MYL10: variants seen among roughly 807,000 people sequenced by gnomAD.
The protein encoded by MYL10 is myosin regulatory light chain 10.
A neutral mutation model predicts 21.9 loss-of-function variants in MYL10; 18 were observed. The observed-to-expected ratio is 0.82, with a 90% confidence interval of 0.57 to 1.22. MYL10 has a LOEUF of 1.22. MYL10 is among the 50% of genes most tolerant of loss of function. The pLI is 0.00. For synonymous variants in MYL10, 88 were observed against 82.8 expected, an observed-to-expected ratio of 1.06 and a Z score of -0.34; for missense variants, 225 against 230.4, an observed-to-expected ratio of 0.98 and a Z score of 0.15.
In MYL10 at chr7:101,617,739, C is replaced by A. The variant is rs183439432; in HGVS notation, c.455-1441G>T. The stretch of plus-strand genomic sequence containing the variant: ...GATCAGGGCCTCATCTGTGCCTCCC[C>A]CATCAGACTGGGTCAGGGTCATCTG... On this transcript the variant is annotated intron_variant, in intron 5 of 7. Transcript: ENST00000223167. Among the ~76,000 whole-genome samples, 454 of 152,192 alleles carry A rather than the reference C, an allele frequency of 3.0e-3. 1 individual carries two copies. Among genetic ancestry groups the A allele is most frequent in the African/African-American group, 0.011 (438 of 41,506 alleles).
intron 5 of MYL10, among the ~76,000 whole-genome samples, chr7:101,621,464 C>G (rs1240898033): frequency 6.6e-6 from 1 of 152,106 alleles, no homozygotes; most frequent in Non-Finnish European, 1.5e-5. Flanking sequence ...GCACCCTCTG[C>G]CTATACCCCC....
chr7:101,625,387 C>T (rs947189560), intron 1 of MYL10, among the ~76,000 whole-genome samples: 1 of 152,202 alleles, frequency 6.6e-6, no homozygotes, highest in Non-Finnish European at 1.5e-5. Context: ...GGATTCCAGA[C>T]GGGGAGGTGG....
chr7:101,617,296 A>G (rs1275297215), intron 5 of MYL10, among the ~76,000 whole-genome samples: 1 of 152,240 alleles, frequency 6.6e-6, no homozygotes, highest in Non-Finnish European at 1.5e-5. Context: ...ACATGGGTTG[A>G]TCAGGGCTGC....
chr7:101,616,158 T>C, intron 6 of MYL10, 62 bp downstream of exon 6: 1 of 1,468,366 alleles, frequency 6.8e-7, no homozygotes, highest in Non-Finnish European at 9.5e-7. Context: ...CCATCCACCC[T>C]GACCCCAGCC....
At position 101,623,024 on chromosome 7, in the gene MYL10, C is replaced by A. The variant is rs1448716316; in HGVS notation, c.322G>T (p.Asp108Tyr). ...AGCGCGGCAAAGGTGTCCCTCAAGT[C>A]CTCTTTGTCGATGAAGCCATCACGG... ...QNRDGFIDKE[D>Y]LRDTFAALGR... The change falls in exon 4 of 8, where the codon GAC becomes TAC. Residue 108 changes from aspartate to tyrosine, a missense_variant. Coordinates refer to ENST00000223167, the MANE Select transcript of MYL10 (RefSeq NM_138403.5). The A allele has an allele frequency of 6.2e-7, 1 of 1,614,118 alleles. No individual in the cohort carries two copies. The highest frequency in any genetic ancestry group is 1.7e-5 in the Admixed American group (1 of 60,018).
intron 4 of MYL10, 60 bp from the exon 5 acceptor site, chr7:101,622,260 A>AGGCTTTGTG: frequency 7.5e-7 from 1 of 1,338,546 alleles, no homozygotes; most frequent in Non-Finnish European, 1.0e-6. Context: ...TGGGCCTCGG[A>AGGCTTTGTG]GGATCCCACA....
intron 5 of MYL10, 37 bp from the exon 6 acceptor site, chr7:101,616,335 G>A (rs1249195340): frequency 2.6e-6 from 4 of 1,553,018 alleles, no homozygotes; most frequent in Non-Finnish European, 1.8e-6. Context: ...AGAGAGGCAG[G>A]TGAAGAGGGC....
chr7:101,624,270 AG>A lies in MYL10; in HGVS notation c.79-7del, dbSNP rs1290587236. On this transcript the variant is annotated splice_region_variant and splice_polypyrimidine_tract_variant and intron_variant, in intron 1 of 7. Coordinates refer to ENST00000223167, the MANE Select transcript of MYL10 (RefSeq NM_138403.5). ...TTCCGAGCTCTTCTCGGTGCCTGCG[AG>A]GTAGCAGACAAGGCCTTGCAGCGGC... 2 of 1,610,950 alleles carry A rather than the reference AG, an allele frequency of 1.2e-6. No homozygotes were observed. Among genetic ancestry groups the A allele is most frequent in the Non-Finnish European group, 1.7e-6 (2 of 1,179,096 alleles).
At chr7:101,615,290 G>A (rs1476778908) in intron 6 of MYL10, among the ~76,000 whole-genome samples, 3 of 151,978 alleles carry the variant, frequency 2.0e-5, no homozygotes, top group Non-Finnish European at 2.9e-5. Flanking sequence ...TTATCTGTCC[G>A]CCCGACTCCA....
chr7:101,626,847 G>T (rs1417477890), intron 1 of MYL10, among the ~76,000 whole-genome samples: 1 of 152,182 alleles, frequency 6.6e-6, no homozygotes, highest in South Asian at 2.1e-4. Context: ...GAGTGGGGCA[G>T]GTCCAAGCAT....
chr7:101,618,368 G>A (rs536922817), intron 5 of MYL10, among the ~76,000 whole-genome samples: 2 of 152,332 alleles, frequency 1.3e-5, no homozygotes, highest in African/African-American at 4.8e-5. Flanking sequence ...ATTTGCCTCC[G>A]AGGCCACAGC....
chr7:101,615,688 C>A (rs1039564210), intron 6 of MYL10, among the ~76,000 whole-genome samples: 2 of 146,554 alleles, frequency 1.4e-5, no homozygotes, highest in South Asian at 4.5e-4. Context: ...GAGTGACCCA[C>A]CACTTCTTCT....
In MYL10 at chr7:101,622,238, G is replaced by A. The variant is rs534240436; in HGVS notation, c.350-38C>T. On this transcript the variant is annotated intron_variant, in intron 4 of 7. Transcript: ENST00000223167. ...AGAGGTGGGGGCAGGGAGGATAAGA[G>A]AGATCAGAGCTTGGGCCTCGGAGGA... The A allele has an allele frequency of 1.1e-5, 17 of 1,521,398 alleles. 1 individual carries two copies. In the South Asian group the frequency reaches 1.7e-4, roughly 16 times the overall value. The allele number at this position is 1,521,398 out of a possible 1,614,324, so 94.2% of individuals were successfully genotyped here. A position where few individuals can be genotyped will look rare whatever the true frequency, so the allele number is the denominator to read the frequency against.
Position 101,622,170 on chromosome 7 carries a change from T to G in MYL10, c.380A>C (p.Glu127Ala), listed in dbSNP as rs756074750. The part of the protein sequence containing the change: ...GRINVKNEEL[E>A]AMVKEAPGPI... Reference sequence around the variant, plus strand: ...TCCGGGGGCCTCCTTCACCATGGCCTCCAGTTCCTCGTTCTTGACATTGAT... The same window carrying G: ...TCCGGGGGCCTCCTTCACCATGGCCGCCAGTTCCTCGTTCTTGACATTGAT... Residue 127 changes from glutamate (E) to alanine (A), a missense_variant, in exon 5 of 8, where the codon GAG becomes GCG. Coordinates refer to ENST00000223167, the MANE Select transcript of MYL10 (RefSeq NM_138403.5). 9.3e-6 allele frequency: 15 copies of G among 1,613,084 alleles called. No individual in the cohort carries two copies. The South Asian group carries it at 1.6e-4, about 18-fold the overall frequency.
chr7:101,626,431 C>T (rs983040266), intron 1 of MYL10, among the ~76,000 whole-genome samples: 61 of 152,208 alleles, frequency 4.0e-4, no homozygotes, highest in African/African-American at 1.0e-3. Flanking sequence ...CCTAGGCCCT[C>T]GGGCAGTCAG....
intron 6 of MYL10, among the ~76,000 whole-genome samples, chr7:101,615,789 G>A (rs1180658046): frequency 6.7e-6 from 1 of 149,732 alleles, no homozygotes; most frequent in Non-Finnish European, 1.5e-5. Flanking sequence ...CCACTTCCTG[G>A]GTTCGAGCGA....
At chr7:101,615,398 C>T (rs916044107) in intron 6 of MYL10, among the ~76,000 whole-genome samples, 2 of 151,664 alleles carry the variant, frequency 1.3e-5, no homozygotes, top group East Asian at 1.9e-4. Context: ...CTCAGGTTCT[C>T]CCATGCTCCC....
chr7:101,617,670 C>T (rs1369718564), intron 5 of MYL10, among the ~76,000 whole-genome samples: 2 of 152,170 alleles, frequency 1.3e-5, no homozygotes, highest in African/African-American at 2.4e-5. Context: ...GTTCCTCCTG[C>T]ATCAGACTGG....
In MYL10 at chr7:101,627,944, A is replaced by C. The variant is rs551772843; in HGVS notation, c.78+1097T>G. Among the ~76,000 whole-genome samples the C allele has an allele frequency of 3.3e-5, 5 of 152,290 alleles. No homozygotes were observed. The South Asian group carries it at 1.0e-3, about 32-fold the overall frequency. ...GGAGCTGTGGGACTCTGGGTGGGAC[A>C]TCACCCTCTAGGAGGCTCAGCCATC... is the stretch of plus-strand genomic sequence containing the variant. On this transcript the variant is annotated intron_variant, in intron 1 of 7. Coordinates refer to ENST00000223167, the MANE Select transcript of MYL10 (RefSeq NM_138403.5).
Sources: allele counts gnomAD v4.1 joint callset (sites outside exome capture counted in the v4.1 genomes callset), GRCh38; gene constraint gnomAD v4.1.1; transcripts MANE v1.5; gene names NCBI Gene and HGNC (gene_info 2026-07-23, HGNC 2026-07-21).